Variants in FAT4 observed in about 807,000 individuals in gnomAD.
FAT4 encodes the protein protocadherin Fat 4.
In FAT4, 84 loss-of-function variants were observed where a neutral mutation model predicts 303.9. The observed-to-expected ratio is 0.28, with a 90% CI of 0.23 to 0.33. The LOEUF (loss-of-function observed/expected upper bound fraction) is 0.33, where lower values mean the gene tolerates loss of function less well. FAT4 is among the 10% of genes least tolerant of loss of function. The probability of loss-of-function intolerance (pLI) is 1.00; values close to 1 mark genes in which losing one functional copy is unlikely to be tolerated. For synonymous variants in FAT4, 2,307 were observed against 2,298.8 expected (o/e 1.00, Z -0.10); for missense variants, 6,005 against 6,146.8 (o/e 0.98, Z 0.77).
At chr4:125,359,897 G>A (rs1732587221) in intron 2 of FAT4, among the ~76,000 whole-genome samples, 1 of 152,098 alleles carries the variant, frequency 6.6e-6, no homozygotes, top group Non-Finnish European at 1.5e-5. Flanking sequence ...CTCTGGGAGG[G>A]AGAAGTAGTT....
chr4:125,445,549 T>A (rs1725798705), intron 8 of FAT4, among the ~76,000 whole-genome samples: 1 of 152,260 alleles, frequency 6.6e-6, no homozygotes, highest in South Asian at 2.1e-4. Flanking sequence ...CTTAGCTACT[T>A]CTTTCCTGGC....
intron 14 of FAT4, among the ~76,000 whole-genome samples, chr4:125,478,159 A>G (rs547507871): frequency 6.6e-6 from 1 of 152,346 alleles, no homozygotes; most frequent in African/African-American, 2.4e-5. Context: ...AAATAAAACT[A>G]TTAAAGGCAA....
intron 2 of FAT4, among the ~76,000 whole-genome samples, chr4:125,342,195 AC>A (rs1180212185): frequency 1.3e-5 from 2 of 152,190 alleles, no homozygotes; most frequent in East Asian, 3.9e-4. Context: ...ATTAAAGAGT[AC>A]TATAAAATAA....
At chr4:125,356,542 G>GTT (rs1230221758) in intron 2 of FAT4, among the ~76,000 whole-genome samples, 11 of 98,474 alleles carry the variant, frequency 1.1e-4, no homozygotes, top group African/African-American at 4.0e-4. Context: ...AGGGTGTTTT[G>GTT]TTTTTTGTTT....
At chr4:125,442,047 C>T (rs982913863) in intron 8 of FAT4, among the ~76,000 whole-genome samples, 14 of 152,270 alleles carry the variant, frequency 9.2e-5, no homozygotes, top group South Asian at 2.1e-4. Context: ...CTGAGTATTG[C>T]AACAGAGAAT....
At position 125,491,629 on chromosome 4, in the gene FAT4, G is replaced by T. The variant is rs1434655106; in HGVS notation, c.14813G>T (p.Trp4938Leu). 2.5e-6 allele frequency: 4 copies of T among 1,614,166 alleles called. No homozygotes were observed. In the Admixed American group the frequency reaches 6.7e-5, roughly 27 times the overall value. Residue 4938 changes from tryptophan (W) to leucine (L), a missense_variant, in exon 18 of 18, where the codon TGG becomes TTG. By Grantham distance (61) the Trp-to-Leu change is moderately conservative. Transcript: ENST00000394329. Reference sequence around the variant, plus strand: ...TTCAACTGGGACAACCTTTTGAACTGGGGCCCTGGCTTTGGCCATTATGTA... The same window carrying T: ...TTCAACTGGGACAACCTTTTGAACTTGGGCCCTGGCTTTGGCCATTATGTA... Reference protein sequence around the residue: ...GTFNWDNLLNWGPGFGHYVDV... With the variant: ...GTFNWDNLLNLGPGFGHYVDV...
At chr4:125,459,974 A>G (rs1325104679) in intron 10 of FAT4, among the ~76,000 whole-genome samples, 1 of 152,092 alleles carries the variant, frequency 6.6e-6, no homozygotes, top group Non-Finnish European at 1.5e-5. Flanking sequence ...AAACCTGAGA[A>G]ATATGCATTT....
intron 2 of FAT4, among the ~76,000 whole-genome samples, chr4:125,340,498 T>C (rs570563696): frequency 6.6e-6 from 1 of 152,264 alleles, no homozygotes; most frequent in Non-Finnish European, 1.5e-5. Context: ...ATTCTCCTCC[T>C]GCCTCAGTCT....
intron 2 of FAT4, among the ~76,000 whole-genome samples, chr4:125,327,784 T>C (rs943131495): frequency 1.3e-5 from 2 of 152,214 alleles, no homozygotes; most frequent in African/African-American, 4.8e-5. Context: ...TTTTGAGGAA[T>C]CTGCTCTAGG....
chr4:125,361,354 C>T (rs952397315), intron 2 of FAT4, among the ~76,000 whole-genome samples: 2 of 152,124 alleles, frequency 1.3e-5, no homozygotes, highest in Admixed American at 1.3e-4. Context: ...TGAGATCCAT[C>T]AAATTGTTAA....
At chr4:125,363,684 C>T (rs535169453) in intron 2 of FAT4, among the ~76,000 whole-genome samples, 15 of 151,748 alleles carry the variant, frequency 9.9e-5, no homozygotes, top group Admixed American at 2.6e-4. Flanking sequence ...TTAGTAGAGA[C>T]GGGGTTTCAC....
At chr4:125,342,989 T>G (rs1171380984) in intron 2 of FAT4, among the ~76,000 whole-genome samples, 1 of 152,198 alleles carries the variant, frequency 6.6e-6, no homozygotes, top group Non-Finnish European at 1.5e-5. Context: ...CTATATTGGC[T>G]AATATTAGTT....
chr4:125,420,692 C>G (rs1392007566), intron 7 of FAT4, among the ~76,000 whole-genome samples: 2 of 152,054 alleles, frequency 1.3e-5, no homozygotes, highest in African/African-American at 4.8e-5. Context: ...ATGTAAGGAC[C>G]CAGTGAAGCA....
In FAT4 at chr4:125,487,933, T is replaced by C. The variant is rs543026086; in HGVS notation, c.13084+327T>C. ...TGTCCACCAAGCATTTCATATACAT[T>C]TGTTCATTTATTTATTCATTCACAG... On this transcript the variant is annotated intron_variant, in intron 17 of 17. Coordinates refer to ENST00000394329, the MANE Select transcript of FAT4 (RefSeq NM_001291303.3). 2.1e-3 allele frequency among the ~76,000 whole-genome samples: 313 copies of C among 152,294 alleles called. 3 individuals are homozygous for C. Among genetic ancestry groups the C allele is most frequent in the Middle Eastern group, 0.01 (3 of 294 alleles).
Position 125,320,154 on chromosome 4 carries a change from C to A in FAT4, c.3743C>A (p.Ser1248Tyr). 1 of 1,613,870 alleles carries A rather than the reference C, an allele frequency of 6.2e-7. No individual in the cohort carries two copies. Among genetic ancestry groups the A allele is most frequent in the South Asian group, 1.1e-5 (1 of 91,068 alleles). Residue 1248 changes from serine to tyrosine, a missense_variant, in exon 2 of 18, where the codon TCT (serine) becomes TAT (tyrosine). Ser to Tyr is a moderately radical substitution (Grantham distance 144). Coordinates refer to ENST00000394329, the MANE Select transcript of FAT4 (RefSeq NM_001291303.3). ...DEGNNGLIHY[S>Y]IIKGNEERQF... ...GGTAATAATGGACTTATTCACTATTCTATAATAAAAGGAAATGAAGAAAGA... is the reference window on the plus strand; with the variant it reads ...GGTAATAATGGACTTATTCACTATTATATAATAAAAGGAAATGAAGAAAGA...
intron 2 of FAT4, among the ~76,000 whole-genome samples, chr4:125,360,459 A>G (rs1158046030): frequency 6.6e-6 from 1 of 152,188 alleles, no homozygotes; most frequent in Non-Finnish European, 1.5e-5. Flanking sequence ...CATAGATCAC[A>G]GATTAGCCGT....
intron 2 of FAT4, among the ~76,000 whole-genome samples, chr4:125,357,759 T>C (rs546998749): frequency 2.6e-5 from 4 of 152,254 alleles, no homozygotes; most frequent in African/African-American, 9.6e-5. Flanking sequence ...TCAAGGGCCT[T>C]TACAAAGGGC....
chr4:125,370,706 G>A (rs541254452), intron 2 of FAT4, among the ~76,000 whole-genome samples: 131 of 152,242 alleles, frequency 8.6e-4, no homozygotes, highest in Middle Eastern at 3.4e-3. Flanking sequence ...TTTCACTGGT[G>A]ATATGGGGTG....
intron 10 of FAT4, among the ~76,000 whole-genome samples, chr4:125,461,546 A>G (rs1239981612): frequency 6.6e-6 from 1 of 152,054 alleles, no homozygotes; most frequent in Non-Finnish European, 1.5e-5. Flanking sequence ...ACAAGGCTAT[A>G]TTGAACACAC....
Sources: gnomAD v4.1 joint callset for allele counts (sites outside exome capture counted in the v4.1 genomes callset) on GRCh38, gnomAD v4.1.1 for gene constraint, MANE v1.5 for transcripts, NCBI Gene and HGNC (gene_info 2026-07-23, HGNC 2026-07-21) for gene names.